Variants in LYPLAL1 observed in about 807,000 individuals in gnomAD.
The protein encoded by LYPLAL1 is lysophospholipase-like protein 1.
A neutral mutation model predicts 19.7 loss-of-function variants in LYPLAL1; 23 were observed. That is an observed-to-expected ratio of 1.17 (90% CI 0.84 to 1.65). LYPLAL1 has a LOEUF of 1.65. LYPLAL1 is among the 40% of genes most tolerant of loss of function. The pLI is 0.00. For missense variants in LYPLAL1, 355 were observed against 279.4 expected (o/e 1.27, Z -1.93); for synonymous variants, 119 against 96.3 (o/e 1.24, Z -1.38).
chr1:219,239,208 A>G, the LYPLAL1 span, among the ~76,000 whole-genome samples: 2 of 152,182 alleles, frequency 1.3e-5, no homozygotes, highest in African/African-American at 4.8e-5. Context: ...CAGTTTACAA[A>G]TTGGGAAATT....
chr1:219,384,754 TG>T, the LYPLAL1 span, among the ~76,000 whole-genome samples: 1 of 152,234 alleles, frequency 6.6e-6, no homozygotes, highest in African/African-American at 2.4e-5. Flanking sequence ...TCATAAAATA[TG>T]TATGGAAATG....
chr1:219,223,084 C>T, the LYPLAL1 span: 1 of 151,946 alleles, frequency 6.6e-6, no homozygotes, highest in African/African-American at 2.4e-5. Flanking sequence ...ATAGCAGTAA[C>T]TGTTGTCTGA....
At chr1:219,196,331 A>G (rs1657598558) in intron 3 of LYPLAL1, among the ~76,000 whole-genome samples, 1 of 152,162 alleles carries the variant, frequency 6.6e-6, no homozygotes, top group African/African-American at 2.4e-5. Context: ...CAGCCTTGCC[A>G]GCATATTAAA....
chr1:219,437,700 T>C, the LYPLAL1 span, among the ~76,000 whole-genome samples: 1 of 152,020 alleles, frequency 6.6e-6, no homozygotes, highest in Non-Finnish European at 1.5e-5. Context: ...TTAAGTCCCT[T>C]CTCTCCCTGG....
chr1:219,274,659 C>T, the LYPLAL1 span, among the ~76,000 whole-genome samples: 1 of 152,198 alleles, frequency 6.6e-6, no homozygotes, highest in Non-Finnish European at 1.5e-5. Flanking sequence ...GCTTTGATTA[C>T]AGGCATGAGC....
the LYPLAL1 span, among the ~76,000 whole-genome samples, chr1:219,384,241 C>T: frequency 6.6e-6 from 1 of 152,190 alleles, no homozygotes; most frequent in Non-Finnish European, 1.5e-5. Flanking sequence ...CTTAGACACC[C>T]ATTATCCTAA....
the LYPLAL1 span, among the ~76,000 whole-genome samples, chr1:219,351,848 G>T: frequency 2.6e-3 from 393 of 152,292 alleles, 2 homozygotes; most frequent in African/African-American, 8.1e-3. Flanking sequence ...GAAATTATCT[G>T]GTAGTTGGAA....
the LYPLAL1 span, among the ~76,000 whole-genome samples, chr1:219,371,435 A>G: frequency 2.0e-5 from 3 of 152,220 alleles, no homozygotes; most frequent in East Asian, 1.9e-4. Context: ...GTCATTGACT[A>G]ATGAACAATA....
At chr1:219,295,769 A>G in the LYPLAL1 span, among the ~76,000 whole-genome samples, 1 of 152,144 alleles carries the variant, frequency 6.6e-6, no homozygotes, top group South Asian at 2.1e-4. Flanking sequence ...CACAAATCTG[A>G]TCATATGGTT....
the LYPLAL1 span, among the ~76,000 whole-genome samples, chr1:219,376,498 GT>G: frequency 6.6e-6 from 1 of 152,104 alleles, no homozygotes; most frequent in South Asian, 2.1e-4. Flanking sequence ...GAAAACTTTT[GT>G]GCATTGAAAG....
the LYPLAL1 span, among the ~76,000 whole-genome samples, chr1:219,326,064 C>T: frequency 6.6e-6 from 1 of 152,240 alleles, no homozygotes; most frequent in Admixed American, 6.5e-5. Flanking sequence ...CAGGCACCCA[C>T]CACTATGCCC....
the LYPLAL1 span, among the ~76,000 whole-genome samples, chr1:219,286,743 C>T: frequency 6.6e-6 from 1 of 152,222 alleles, no homozygotes; most frequent in African/African-American, 2.4e-5. Context: ...GCACAGCCAG[C>T]TTCAGCTCCA....
At chr1:219,211,394 C>A in intron 4 of LYPLAL1, 98 bp from the exon 5 acceptor site, 1 of 831,292 alleles carries the variant, frequency 1.2e-6, no homozygotes, top group Non-Finnish European at 1.9e-6. Context: ...GTTATTGAAG[C>A]CTTGGTAAAA....
the LYPLAL1 span, among the ~76,000 whole-genome samples, chr1:219,404,280 G>A: frequency 0.21 from 31,375 of 152,106 alleles, 3,573 homozygotes; most frequent in Middle Eastern, 0.36. Flanking sequence ...TCGTGAAGCT[G>A]AGGGGAGCAC....
the LYPLAL1 span, among the ~76,000 whole-genome samples, chr1:219,282,382 TTCCAGAAAGAA>T: frequency 6.7e-6 from 1 of 149,666 alleles, no homozygotes; most frequent in Non-Finnish European, 1.5e-5. Context: ...TAATTAGGAG[TTCCAGAAAGAA>T]AAGAGAGAAA....
the LYPLAL1 span, among the ~76,000 whole-genome samples, chr1:219,434,286 T>TA: frequency 6.6e-6 from 1 of 152,234 alleles, no homozygotes; most frequent in African/African-American, 2.4e-5. Context: ...GCAGAATTAT[T>TA]AGAGTGAACA....
rs138145041 is a variant in LYPLAL1 at position 219,212,775 on chromosome 1, C to T, written c.*1047C>T. ...GTAATATTCCATTGTGTGGATGTAT[C>T]ACTATTTGTTTACACATTCACCACT... On this transcript the variant is annotated 3_prime_UTR_variant, in exon 5 of 5. Transcript: ENST00000366928. 1.7e-3 allele frequency: 262 copies of T among 152,042 alleles called. 2 individuals carry two copies. Among genetic ancestry groups the T allele is most frequent in the African/African-American group, 5.8e-3 (240 of 41,518 alleles). The allele number at this position is 152,042 out of a possible 1,614,324, so 9.4% of individuals were successfully genotyped here.
the LYPLAL1 span, among the ~76,000 whole-genome samples, chr1:219,425,443 CT>C: frequency 1.3e-5 from 2 of 152,192 alleles, no homozygotes; most frequent in East Asian, 1.9e-4. Context: ...TGATTCTTCA[CT>C]TCTATCCTCT....
At chr1:219,249,992 G>A in the LYPLAL1 span, among the ~76,000 whole-genome samples, 1 of 151,896 alleles carries the variant, frequency 6.6e-6, no homozygotes, top group Non-Finnish European at 1.5e-5. Flanking sequence ...TCTTTGTGGT[G>A]TCTTGATAAA....
Sources: allele counts gnomAD v4.1 joint callset (sites outside exome capture counted in the v4.1 genomes callset), GRCh38; gene constraint gnomAD v4.1.1; transcripts MANE v1.5; gene names NCBI Gene and HGNC (gene_info 2026-07-23, HGNC 2026-07-21).